PRIMA1: variants seen among roughly 807,000 people sequenced by gnomAD.
PRIMA1 encodes the protein proline-rich membrane anchor 1.
PRIMA1 carries 7 observed loss-of-function variants against 17.5 expected under a neutral mutation model. The observed-to-expected ratio is 0.40, with a 90% CI of 0.23 to 0.75. PRIMA1 has a LOEUF of 0.75. Ranked by LOEUF, PRIMA1 falls within the 30% of genes least tolerant of loss-of-function variation. The pLI is 0.37. For synonymous variants in PRIMA1, 97 were observed against 77.9 expected (o/e 1.25, Z -1.29); for missense variants, 200 against 201.8 (o/e 0.99, Z 0.05).
chr14:93,727,725 G>A (rs887157117), intron 4 of PRIMA1, among the ~76,000 whole-genome samples: 9 of 151,678 alleles, frequency 5.9e-5, no homozygotes, highest in East Asian at 1.9e-4. Context: ...AGACACATGT[G>A]GGCATGCCCT....
At chr14:93,728,737 G>A (rs2076095586) in intron 4 of PRIMA1, among the ~76,000 whole-genome samples, 1 of 152,232 alleles carries the variant, frequency 6.6e-6, no homozygotes, top group Non-Finnish European at 1.5e-5. Flanking sequence ...CCATCAGCTG[G>A]CCCAGAGCAC....
At chr14:93,761,567 C>G (rs769356537) in intron 3 of PRIMA1, among the ~76,000 whole-genome samples, 3 of 152,108 alleles carry the variant, frequency 2.0e-5, no homozygotes, top group African/African-American at 7.2e-5. Flanking sequence ...TGCTATTCCT[C>G]GTCTTCAAGG....
chr14:93,766,827 T>A (rs1017302364), intron 3 of PRIMA1, among the ~76,000 whole-genome samples: 1 of 152,146 alleles, frequency 6.6e-6, no homozygotes, highest in Non-Finnish European at 1.5e-5. Context: ...TCAGTGTGCA[T>A]GGCCAAGTCA....
chr14:93,757,209 AG>A (rs72072249), intron 3 of PRIMA1, among the ~76,000 whole-genome samples: 2 of 146,934 alleles, frequency 1.4e-5, no homozygotes, highest in African/African-American at 5.5e-5. Flanking sequence ...AAAGGAAGGA[AG>A]GAAGGAAGGA....
chr14:93,737,159 T>C lies in PRIMA1; in HGVS notation c.359+82A>G, dbSNP rs1595196054. ...TAACAACTTTTATAATTTAAAATAA[T>C]GATACGGGATGTGTGTAGGAGCCCC... On this transcript the variant is annotated intron_variant, in intron 4 of 4. Coordinates refer to ENST00000393140, the MANE Select transcript of PRIMA1 (RefSeq NM_178013.4). 6.0e-6 allele frequency: 8 copies of C among 1,339,162 alleles called. No homozygotes were observed. In the East Asian group the frequency reaches 1.4e-4, roughly 23 times the overall value. The allele number at this position is 1,339,162 out of a possible 1,614,324, so 83.0% of individuals were successfully genotyped here. A position where few individuals can be genotyped will look rare whatever the true frequency, so the allele number is the denominator to read the frequency against.
At position 93,787,743 on chromosome 14, in the gene PRIMA1, G is replaced by C. The variant is rs1303339246; in HGVS notation, c.-25C>G. The C allele has an allele frequency of 6.5e-7, 1 of 1,540,604 alleles. No homozygotes were observed. The highest frequency in any genetic ancestry group is 1.2e-5 in the South Asian group (1 of 83,860). On this transcript the variant is annotated 5_prime_UTR_variant, in exon 2 of 5. Transcript: ENST00000393140. Reference sequence around the variant, plus strand: ...TCTCGGCCAGCGGCGCCCGCTCCTGGGGCGAACTGTCAGGAGAGCAAGGCT... The same window carrying C: ...TCTCGGCCAGCGGCGCCCGCTCCTGCGGCGAACTGTCAGGAGAGCAAGGCT...
At chr14:93,777,779 T>C (rs1312253685) in intron 3 of PRIMA1, among the ~76,000 whole-genome samples, 1 of 152,218 alleles carries the variant, frequency 6.6e-6, no homozygotes, top group African/African-American at 2.4e-5. Flanking sequence ...AGGATGGCCT[T>C]CCCTGGGAGG....
At position 93,771,097 on chromosome 14, in the gene PRIMA1, T is replaced by C. The variant is rs191299431; in HGVS notation, c.229+8079A>G. Among the ~76,000 whole-genome samples the C allele has an allele frequency of 9.5e-4, 144 of 151,972 alleles. 1 individual carries two copies. The highest frequency in any genetic ancestry group is 1.8e-3 in the Non-Finnish European group (123 of 67,938). ...ATGTATGTGTGTACATGTGCGTGCG[T>C]GTGCATGTACGCGTGTGCATGTATG... On this transcript the variant is annotated intron_variant, in intron 3 of 4. Coordinates refer to ENST00000393140, the MANE Select transcript of PRIMA1 (RefSeq NM_178013.4).
intron 4 of PRIMA1, among the ~76,000 whole-genome samples, chr14:93,732,464 GTC>G (rs1428077952): frequency 6.6e-6 from 1 of 152,188 alleles, no homozygotes; most frequent in African/African-American, 2.4e-5. Flanking sequence ...CACTCGTGTT[GTC>G]TCTGCTCTTC....
rs192458770 is a variant in PRIMA1, at chr14:93,746,671, C to T, written c.230-9301G>A. On this transcript the variant is annotated intron_variant, in intron 3 of 4. Coordinates refer to ENST00000393140, the MANE Select transcript of PRIMA1 (RefSeq NM_178013.4). The stretch of plus-strand genomic sequence containing the variant: ...CTCTGTGTTTAAACTGGGTGTGTGG[C>T]GTGGGGGAAGGGCGGGAGGCTGCGG... Among the ~76,000 whole-genome samples, 524 of 151,904 alleles carry T rather than the reference C, an allele frequency of 3.4e-3. 1 individual carries two copies. The highest frequency in any genetic ancestry group is 0.014 in the Middle Eastern group (4 of 294).
At chr14:93,774,301 C>A (rs1013159931) in intron 3 of PRIMA1, among the ~76,000 whole-genome samples, 9 of 152,108 alleles carry the variant, frequency 5.9e-5, no homozygotes, top group South Asian at 2.1e-4. Flanking sequence ...GAGGCCCGGG[C>A]CAGCCAGGAC....
At chr14:93,732,347 G>C (rs1374864937) in intron 4 of PRIMA1, among the ~76,000 whole-genome samples, 1 of 152,168 alleles carries the variant, frequency 6.6e-6, no homozygotes, top group African/African-American at 2.4e-5. Flanking sequence ...CCCCAAGCTG[G>C]GATCTGAGGT....
At chr14:93,724,448 T>C (rs945043607) in intron 4 of PRIMA1, among the ~76,000 whole-genome samples, 1 of 152,208 alleles carries the variant, frequency 6.6e-6, no homozygotes, top group East Asian at 1.9e-4. Flanking sequence ...AGCTCTGCCC[T>C]GGGCCTTTTG....
At chr14:93,772,022 A>T (rs1885085072) in intron 3 of PRIMA1, among the ~76,000 whole-genome samples, 1 of 152,248 alleles carries the variant, frequency 6.6e-6, no homozygotes, top group Non-Finnish European at 1.5e-5. Context: ...AAAATTGGCA[A>T]TAATACCACC....
At chr14:93,761,411 A>G (rs915351287) in intron 3 of PRIMA1, among the ~76,000 whole-genome samples, 2 of 152,152 alleles carry the variant, frequency 1.3e-5, no homozygotes, top group East Asian at 1.9e-4. Flanking sequence ...AAAGCCCTGC[A>G]TGATTTTGGG....
chr14:93,764,922 T>G (rs1297460525), intron 3 of PRIMA1, among the ~76,000 whole-genome samples: 1 of 152,170 alleles, frequency 6.6e-6, no homozygotes, highest in East Asian at 1.9e-4. Flanking sequence ...TGGGAGGCAG[T>G]GCATATATGC....
chr14:93,782,607 G>A (rs1033490033), intron 2 of PRIMA1, among the ~76,000 whole-genome samples: 1 of 152,316 alleles, frequency 6.6e-6, no homozygotes, highest in South Asian at 2.1e-4. Context: ...GCAACAGAGC[G>A]AGACCCTGCT....
intron 3 of PRIMA1, among the ~76,000 whole-genome samples, chr14:93,762,351 T>C (rs1355041350): frequency 1.3e-5 from 2 of 152,168 alleles, no homozygotes; most frequent in African/African-American, 4.8e-5. Flanking sequence ...GGATTGGAGC[T>C]GTTGCTCGGT....
intron 3 of PRIMA1, among the ~76,000 whole-genome samples, chr14:93,752,309 C>G (rs147861028): frequency 1.3e-5 from 2 of 152,098 alleles, no homozygotes; most frequent in Admixed American, 1.3e-4. Context: ...CACAGAGCTG[C>G]GAGTAAAGTC....
Sources: gnomAD v4.1 joint callset for allele counts (sites outside exome capture counted in the v4.1 genomes callset) on GRCh38, gnomAD v4.1.1 for gene constraint, MANE v1.5 for transcripts, NCBI Gene and HGNC (gene_info 2026-07-23, HGNC 2026-07-21) for gene names.